ERG: variants seen among roughly 807,000 people sequenced by gnomAD.
ERG encodes transcriptional regulator ERG.
In ERG, 9 loss-of-function variants were observed where a neutral mutation model predicts 55.3. The ratio of observed to expected loss-of-function variants is 0.16; its 90% confidence interval spans 0.10 to 0.28. The LOEUF is 0.28. ERG is among the 10% of genes least tolerant of loss of function. The pLI, the probability that ERG is intolerant of heterozygous loss-of-function variation, is 1.00. For synonymous variants in ERG, 223 were observed against 237.3 expected (o/e 0.94, Z 0.55); for missense variants, 434 against 631.6 (o/e 0.69, Z 3.35).
At chr21:38,633,265 T>G (rs1470969785) in intron 1 of ERG, among the ~76,000 whole-genome samples, 1 of 152,158 alleles carries the variant, frequency 6.6e-6, no homozygotes, top group Non-Finnish European at 1.5e-5. Flanking sequence ...AGTGTAGAGT[T>G]TCAGATTTGC....
intron 2 of ERG, among the ~76,000 whole-genome samples, chr21:38,559,570 T>C (rs924759381): frequency 5.9e-5 from 9 of 152,124 alleles, no homozygotes; most frequent in African/African-American, 2.2e-4. Context: ...ACGTCAACCT[T>C]AAATAACAGT....
intron 1 of ERG, among the ~76,000 whole-genome samples, chr21:38,578,090 A>G (rs2060005866): frequency 6.6e-6 from 1 of 150,720 alleles, no homozygotes; most frequent in Admixed American, 6.6e-5. Context: ...GCCAGCACCA[A>G]CGCCAGGCCC....
At chr21:38,558,855 A>G (rs1035702881) in intron 2 of ERG, among the ~76,000 whole-genome samples, 5 of 152,260 alleles carry the variant, frequency 3.3e-5, no homozygotes, top group African/African-American at 1.2e-4. Context: ...TTGTGAGCAG[A>G]TAAAAAATCA....
At chr21:38,582,367 C>T (rs2060035708) in intron 1 of ERG, among the ~76,000 whole-genome samples, 3 of 152,200 alleles carry the variant, frequency 2.0e-5, no homozygotes, top group African/African-American at 7.2e-5. Context: ...AGTGTCAGAA[C>T]TGAATTGAAC....
chr21:38,378,349 A>C (rs964715688), downstream of ERG, among the ~76,000 whole-genome samples: 12 of 152,142 alleles, frequency 7.9e-5, 1 homozygote. Context: ...ATATCCAGGA[A>C]CTCCTGGACA....
chr21:38,654,177 T>C (rs2060504727), intron 1 of ERG, among the ~76,000 whole-genome samples: 1 of 152,244 alleles, frequency 6.6e-6, no homozygotes, highest in Non-Finnish European at 1.5e-5. Context: ...TACTATTTCA[T>C]CTATAAAATC....
chr21:38,516,676 C>T (rs1403428806), intron 2 of ERG, among the ~76,000 whole-genome samples: 5 of 151,758 alleles, frequency 3.3e-5, no homozygotes, highest in Non-Finnish European at 4.4e-5. Context: ...TGAACAAAAA[C>T]AACAAAACTG....
the ERG span, among the ~76,000 whole-genome samples, chr21:38,369,026 T>C: frequency 6.6e-6 from 1 of 152,350 alleles, no homozygotes; most frequent in East Asian, 1.9e-4. Context: ...TTGATGGGCA[T>C]TTAGGCTGAT....
In ERG at chr21:38,455,601, T is replaced by A. The variant is rs2058980783; in HGVS notation, c.19-9980A>T. Among the ~76,000 whole-genome samples the A allele has an allele frequency of 2.0e-5, 3 of 152,240 alleles. No individual in the cohort carries two copies. The South Asian group carries it at 6.2e-4, about 32-fold the overall frequency. Reference sequence around the variant, plus strand: ...ATCTGGAATGTGTCTCATCTGTGAATCTCTGACACATGGATTCATTGTTTT... The same window carrying A: ...ATCTGGAATGTGTCTCATCTGTGAAACTCTGACACATGGATTCATTGTTTT... On this transcript the variant is annotated intron_variant, in intron 1 of 9. Coordinates refer to ENST00000288319, the MANE Select transcript of ERG (RefSeq NM_182918.4).
chr21:38,407,989 A>AAGTTTC (rs1491153749), intron 3 of ERG, among the ~76,000 whole-genome samples: 3 of 151,582 alleles, frequency 2.0e-5, no homozygotes, highest in African/African-American at 7.3e-5. Flanking sequence ...ATAAAAAGTT[A>AAGTTTC]AGTTTCAGTT....
intron 7 of ERG, among the ~76,000 whole-genome samples, chr21:38,392,102 T>C (rs897535643): frequency 3.9e-5 from 6 of 152,220 alleles, no homozygotes; most frequent in Admixed American, 1.3e-4. Flanking sequence ...AAACACCGAT[T>C]ATTTAATGTG....
At chr21:38,487,237 A>G (rs2059294716) in intron 1 of ERG, among the ~76,000 whole-genome samples, 1 of 151,926 alleles carries the variant, frequency 6.6e-6, no homozygotes, top group Non-Finnish European at 1.5e-5. Context: ...ACATTGGTAC[A>G]GGAGTAAAGA....
chr21:38,510,606 C>T lies in ERG; in HGVS notation c.-41+65056G>A, dbSNP rs546307984. ...GAACGACACTAACAATAGGGCTATA[C>T]ATACCTTGTGCTTCTTTGTCAGTTA... On this transcript the variant is annotated intron_variant, in intron 2 of 8. Coordinates refer to the ERG transcript ENST00000398897. Among the ~76,000 whole-genome samples, 14 of 152,310 alleles carry T rather than the reference C, an allele frequency of 9.2e-5. No homozygotes were observed. In the East Asian group the frequency reaches 2.7e-3, roughly 29 times the overall value.
the ERG span, among the ~76,000 whole-genome samples, chr21:38,368,572 G>A: frequency 6.6e-6 from 1 of 152,124 alleles, no homozygotes; most frequent in Non-Finnish European, 1.5e-5. Context: ...CTGAACATGA[G>A]ATTTGAGCAG....
At chr21:38,582,069 G>A (rs1014496784) in intron 1 of ERG, among the ~76,000 whole-genome samples, 31 of 148,620 alleles carry the variant, frequency 2.1e-4, no homozygotes, top group Admixed American at 7.3e-4. Flanking sequence ...AAAAAAAAGG[G>A]CAGAGGCTCC....
intron 2 of ERG, among the ~76,000 whole-genome samples, chr21:38,528,035 G>A (rs914440279): frequency 6.6e-6 from 1 of 152,192 alleles, no homozygotes; most frequent in Non-Finnish European, 1.5e-5. Flanking sequence ...GGCTGTGAGG[G>A]AGGATCTGTT....
At chr21:38,583,957 G>A (rs747485300) in intron 1 of ERG, among the ~76,000 whole-genome samples, 1 of 152,158 alleles carries the variant, frequency 6.6e-6, no homozygotes, top group Admixed American at 6.5e-5. Flanking sequence ...AACAGCACTG[G>A]GAAAGGAAAT....
intron 3 of ERG, among the ~76,000 whole-genome samples, chr21:38,422,561 G>A (rs1291902581): frequency 6.6e-6 from 1 of 152,224 alleles, no homozygotes; most frequent in Non-Finnish European, 1.5e-5. Context: ...TAGGGTAAAG[G>A]TTCACTGACT....
intron 2 of ERG, among the ~76,000 whole-genome samples, chr21:38,439,255 G>T (rs911671490): frequency 6.6e-6 from 1 of 152,234 alleles, no homozygotes; most frequent in South Asian, 2.1e-4. Flanking sequence ...AAAGCAGCCT[G>T]CTCTGCACAG....
Sources: allele counts gnomAD v4.1 joint callset (sites outside exome capture counted in the v4.1 genomes callset), GRCh38; gene constraint gnomAD v4.1.1; transcripts MANE v1.5; gene names NCBI Gene and HGNC (gene_info 2026-07-23, HGNC 2026-07-21).